Variants in FAM184B observed in about 807,000 individuals in gnomAD.
FAM184B encodes the protein protein FAM184B.
Under a neutral mutation model 135.9 loss-of-function variants are expected in FAM184B, and 111 were observed. The observed-to-expected ratio is 0.82, with a 90% CI of 0.70 to 0.96. The LOEUF is 0.96. Among genes scored for constraint, FAM184B ranks in the 40% least tolerant of loss-of-function variants. The probability of loss-of-function intolerance (pLI) is 0.00; values close to 1 mark genes in which losing one functional copy is unlikely to be tolerated. For missense variants in FAM184B, 1,375 were observed against 1,323.9 expected, an observed-to-expected ratio of 1.04 and a Z score of -0.60; for synonymous variants, 552 against 524.8, an observed-to-expected ratio of 1.05 and a Z score of -0.71.
At chr4:17,773,722 C>T (rs1718868227) in intron 1 of FAM184B, among the ~76,000 whole-genome samples, 1 of 152,144 alleles carries the variant, frequency 6.6e-6, no homozygotes, top group South Asian at 2.1e-4. Flanking sequence ...GGATTACAGG[C>T]ATGCGCCACC....
At chr4:17,729,252 G>T (rs1560187568) in intron 1 of FAM184B, among the ~76,000 whole-genome samples, 1 of 152,254 alleles carries the variant, frequency 6.6e-6, no homozygotes, top group Non-Finnish European at 1.5e-5. Flanking sequence ...CAGCTGGGAA[G>T]CTCAAACTGG....
chr4:17,655,844 C>T (rs1410507494), intron 10 of FAM184B, among the ~76,000 whole-genome samples: 1 of 152,190 alleles, frequency 6.6e-6, no homozygotes, highest in Non-Finnish European at 1.5e-5. Flanking sequence ...ATGCACTGTT[C>T]TAAGTACTTT....
rs1260882109 is a variant in FAM184B at position 17,709,413 on chromosome 4, A to T, written c.373T>A (p.Cys125Ser). 10 of 1,518,320 alleles carry T rather than the reference A, an allele frequency of 6.6e-6. No homozygotes were observed. Among genetic ancestry groups the T allele is most frequent in the Admixed American group, 2.1e-5 (1 of 47,632 alleles). 94.1% of individuals were successfully genotyped at this position (1,518,320 alleles called of 1,614,324 possible). A position where few individuals can be genotyped will look rare whatever the true frequency, so the allele number is the denominator to read the frequency against. Reference sequence around the variant, plus strand: ...TCTCTCTCCTTCGTCTCCAGCCTGCACGAGGCCGACTCAGCCAGCGCCTCC... The same window carrying T: ...TCTCTCTCCTTCGTCTCCAGCCTGCTCGAGGCCGACTCAGCCAGCGCCTCC... ...TEEALAESASCRLETKERELR... is the reference protein window; with the variant it reads ...TEEALAESASSRLETKERELR... Residue 125 changes from cysteine to serine, a missense_variant, in exon 2 of 18, where the codon TGC becomes AGC. Cys to Ser is a moderately radical substitution (Grantham distance 112, BLOSUM62 -1). Coordinates refer to ENST00000265018, the MANE Select transcript of FAM184B (RefSeq NM_015688.2).
chr4:17,662,310 G>A (rs531703092), intron 8 of FAM184B, among the ~76,000 whole-genome samples: 1 of 151,714 alleles, frequency 6.6e-6, no homozygotes, highest in South Asian at 2.1e-4. Context: ...AGAAATAAAC[G>A]TGCCCAAGGA....
intron 15 of FAM184B, among the ~76,000 whole-genome samples, chr4:17,635,456 C>G (rs972789474): frequency 6.6e-6 from 1 of 152,140 alleles, no homozygotes; most frequent in African/African-American, 2.4e-5. Flanking sequence ...CTTTCTTCCT[C>G]TGTCTTGTTT....
chr4:17,636,415 T>C, intron 15 of FAM184B, 113 bp downstream of exon 15: 1 of 826,894 alleles, frequency 1.2e-6, no homozygotes, highest in East Asian at 2.7e-5. Flanking sequence ...AAAGGATTCT[T>C]TGTAAGATAT....
chr4:17,642,649 C>T (rs765810293), intron 12 of FAM184B, among the ~76,000 whole-genome samples: 1 of 152,222 alleles, frequency 6.6e-6, no homozygotes, highest in African/African-American at 2.4e-5. Flanking sequence ...ACCACCAAAT[C>T]TTGCTAACTC....
intron 12 of FAM184B, among the ~76,000 whole-genome samples, chr4:17,646,937 C>G (rs1036231957): frequency 1.3e-5 from 2 of 152,062 alleles, no homozygotes; most frequent in South Asian, 2.1e-4. Flanking sequence ...TGGGTGACAA[C>G]AAAGCTGCTC....
intron 1 of FAM184B, among the ~76,000 whole-genome samples, chr4:17,750,514 G>C (rs928272525): frequency 1.3e-5 from 2 of 152,078 alleles, no homozygotes; most frequent in Admixed American, 6.6e-5. Flanking sequence ...TTTTGGGCTG[G>C]ATAATTCTTT....
intron 1 of FAM184B, among the ~76,000 whole-genome samples, chr4:17,721,693 G>A (rs2108972736): frequency 6.6e-6 from 1 of 152,318 alleles, no homozygotes; most frequent in East Asian, 1.9e-4. Flanking sequence ...CAGCATCCAT[G>A]TTAGCGAGTG....
At chr4:17,714,741 C>G (rs1320844863) in intron 1 of FAM184B, among the ~76,000 whole-genome samples, 1 of 152,046 alleles carries the variant, frequency 6.6e-6, no homozygotes, top group Non-Finnish European at 1.5e-5. Flanking sequence ...AATTTAGGGG[C>G]AAGCTTCCAA....
chr4:17,682,350 C>T (rs527823793), intron 7 of FAM184B, among the ~76,000 whole-genome samples: 10 of 152,226 alleles, frequency 6.6e-5, no homozygotes, highest in Admixed American at 2.0e-4. Flanking sequence ...TTGGTGAGGT[C>T]CCAGCTAAGT....
rs1718292774 is a variant in FAM184B, at chr4:17,751,615, A to C, written c.141+29544T>G. On this transcript the variant is annotated intron_variant, in intron 1 of 17. Coordinates refer to ENST00000265018, the MANE Select transcript of FAM184B (RefSeq NM_015688.2). ...TTAGCATCCTAACAGGCTTTCTGGG[A>C]GCCCCTAAATAGTGCCAGGGAGAGG... Among the ~76,000 whole-genome samples, 3 of 151,976 alleles carry C rather than the reference A, an allele frequency of 2.0e-5. No homozygotes were observed. In the South Asian group the frequency reaches 6.2e-4, roughly 32 times the overall value.
Position 17,632,508 on chromosome 4 carries a change from C to G in FAM184B, c.*24G>C. The G allele has an allele frequency of 6.7e-7, 1 of 1,500,882 alleles. No individual in the cohort carries two copies. The highest frequency in any genetic ancestry group is 9.1e-7 in the Non-Finnish European group (1 of 1,103,364). The allele number at this position is 1,500,882 out of a possible 1,614,324, so 93.0% of individuals were successfully genotyped here. On this transcript the variant is annotated 3_prime_UTR_variant, in exon 18 of 18. Transcript: ENST00000265018. ...AAAATAAATGTTTTTCAAGTATCCT[C>G]TGTGATGTATCCCAAAGGTTAGCTT...
At chr4:17,766,103 G>A (rs187701948) in intron 1 of FAM184B, among the ~76,000 whole-genome samples, 49 of 152,308 alleles carry the variant, frequency 3.2e-4, no homozygotes, top group African/African-American at 1.1e-3. Flanking sequence ...ATTACAAAGA[G>A]CAAGATTGGG....
At chr4:17,680,373 A>G (rs1015112008) in intron 7 of FAM184B, among the ~76,000 whole-genome samples, 8 of 152,148 alleles carry the variant, frequency 5.3e-5, no homozygotes, top group Non-Finnish European at 1.2e-4. Flanking sequence ...GAAAACCTTA[A>G]AAGCCTAGAT....
rs140279202 is a variant in FAM184B, at chr4:17,649,324, C to T, written c.2192-1533G>A. ...AATTGGCCAGGCGTGGTGGCTCATG[C>T]CTGAAATCCCAGCACTTTGGGAGGC... On this transcript the variant is annotated intron_variant, in intron 11 of 17. Coordinates refer to ENST00000265018, the MANE Select transcript of FAM184B (RefSeq NM_015688.2). 2.4e-3 allele frequency among the ~76,000 whole-genome samples: 370 copies of T among 152,246 alleles called. 4 individuals carry two copies. Among genetic ancestry groups the T allele is most frequent in the African/African-American group, 8.2e-3 (340 of 41,548 alleles).
At chr4:17,686,394 T>C (rs1716587199) in intron 7 of FAM184B, among the ~76,000 whole-genome samples, 1 of 152,202 alleles carries the variant, frequency 6.6e-6, no homozygotes, top group African/African-American at 2.4e-5. Flanking sequence ...GGATTCTCCC[T>C]TAATCTGGGT....
chr4:17,717,393 C>T (rs1000485147), intron 1 of FAM184B, among the ~76,000 whole-genome samples: 1 of 152,174 alleles, frequency 6.6e-6, no homozygotes, highest in African/African-American at 2.4e-5. Context: ...GCAGTCCGCT[C>T]TTCTCCTGGG....
Sources: gnomAD v4.1 joint callset for allele counts (sites outside exome capture counted in the v4.1 genomes callset) on GRCh38, gnomAD v4.1.1 for gene constraint, MANE v1.5 for transcripts, NCBI Gene and HGNC (gene_info 2026-07-23, HGNC 2026-07-21) for gene names.